Variants in NAA25 observed in about 807,000 individuals in gnomAD.
NAA25 encodes the protein N-alpha-acetyltransferase 25, NatB auxiliary subunit.
A neutral mutation model predicts 132.5 loss-of-function variants in NAA25; 30 were observed. That is an observed-to-expected ratio of 0.23 (90% CI 0.17 to 0.31). The LOEUF (loss-of-function observed/expected upper bound fraction) is 0.31. NAA25 is among the 10% of genes least tolerant of loss of function. The probability of loss-of-function intolerance (pLI) is 1.00; values close to 1 mark genes in which losing one functional copy is unlikely to be tolerated. For synonymous variants in NAA25, 359 were observed against 401.9 expected (o/e 0.89, Z 1.28); for missense variants, 771 against 1,150.4 (o/e 0.67, Z 4.77).
chr12:112,071,978 C>T lies in NAA25; in HGVS notation c.953G>A (p.Arg318His), dbSNP rs771586165. 12 of 1,613,872 alleles carry T rather than the reference C, an allele frequency of 7.4e-6. No homozygotes were observed. Among genetic ancestry groups the T allele is most frequent in the African/African-American group, 5.3e-5 (4 of 74,906 alleles). ...DRITEESKSS[R>H]HLRGPHLAKL... The stretch of plus-strand genomic sequence containing the variant: ...AGCTAGATGTGGTCCTCGGAGATGG[C>T]GAGAACTTTTAGATTCTTCCGTTAT... The change falls in exon 10 of 24, where the codon CGC becomes CAC. Residue 318 changes from arginine (R) to histidine (H), a missense_variant. Physicochemically the swap from Arg to His is conservative, Grantham distance 29 (BLOSUM62 0). This residue lies in a region of NAA25 where 417 missense variants were observed against 733.8 expected (regional missense o/e 0.57). Transcript: ENST00000261745.
At chr12:112,108,003 AC>A (rs2079389194) in intron 1 of NAA25, among the ~76,000 whole-genome samples, 1 of 152,184 alleles carries the variant, frequency 6.6e-6, no homozygotes. Flanking sequence ...AGAGAAAACC[AC>A]AGAGAAGCTG....
chr12:112,048,512 G>T, intron 15 of NAA25, 69 bp from the exon 16 acceptor site: 1 of 1,383,926 alleles, frequency 7.2e-7, no homozygotes, highest in Non-Finnish European at 1.0e-6. Context: ...AACCTTGCCA[G>T]CCAAAACAAA....
chr12:112,052,777 A>C (rs2136836151), intron 15 of NAA25, among the ~76,000 whole-genome samples: 1 of 152,350 alleles, frequency 6.6e-6, no homozygotes, highest in East Asian at 1.9e-4. Context: ...AGACCATGAG[A>C]ATGGAAAGCT....
Position 112,049,194 on chromosome 12 carries a change from C to T in NAA25, c.1729-751G>A, listed in dbSNP as rs905258797. 1.3e-5 allele frequency among the ~76,000 whole-genome samples: 2 copies of T among 152,254 alleles called. No individual in the cohort carries two copies. The highest frequency in any genetic ancestry group is 4.8e-5 in the African/African-American group (2 of 41,548). On this transcript the variant is annotated intron_variant, in intron 15 of 23. Transcript: ENST00000261745. This position sits in a 1 kb window ranked among gnomAD's most constrained non-coding sequence, Gnocchi z 4.7. Reference sequence around the variant, plus strand: ...TATACAGAGATCAAACATTACAGAACAGAGGCAAGATAAAGAATTCTAAGC... The same window carrying T: ...TATACAGAGATCAAACATTACAGAATAGAGGCAAGATAAAGAATTCTAAGC...
chr12:112,072,519 G>A (rs2078827248), intron 9 of NAA25, among the ~76,000 whole-genome samples: 1 of 150,200 alleles, frequency 6.7e-6, no homozygotes, highest in African/African-American at 2.5e-5. Context: ...TGAGGCAGGA[G>A]AATCGCTTGA....
At chr12:112,106,737 T>C (rs2079366453) in intron 1 of NAA25, among the ~76,000 whole-genome samples, 1 of 150,938 alleles carries the variant, frequency 6.6e-6, no homozygotes, top group South Asian at 2.1e-4. Context: ...CAGGACTGCT[T>C]GAGCTCAGGA....
intron 19 of NAA25, among the ~76,000 whole-genome samples, 178 bp downstream of exon 19, chr12:112,042,910 T>G (rs2078322176): frequency 6.6e-6 from 1 of 152,272 alleles, no homozygotes; most frequent in Non-Finnish European, 1.5e-5. Context: ...CTTAAGCTTC[T>G]AAAACATTAC....
At chr12:112,084,927 T>C in intron 4 of NAA25, among the ~76,000 whole-genome samples, 1 of 150,088 alleles carries the variant, frequency 6.7e-6, no homozygotes, top group African/African-American at 2.5e-5. Context: ...TGAAACCCCA[T>C]CTCTATTAAA....
chr12:112,093,890 T>A (rs1267645363), intron 1 of NAA25, among the ~76,000 whole-genome samples: 1 of 148,790 alleles, frequency 6.7e-6, no homozygotes, highest in South Asian at 2.1e-4. Flanking sequence ...TCAAAAAAAC[T>A]TTTTTTTTTA....
chr12:112,073,094 C>T (rs1023300055), intron 9 of NAA25, among the ~76,000 whole-genome samples: 7 of 151,656 alleles, frequency 4.6e-5, no homozygotes, highest in African/African-American at 7.3e-5. Flanking sequence ...ATTAGCCAGG[C>T]GTGGTGGCTC....
At chr12:112,099,419 T>C (rs1171221567) in intron 1 of NAA25, among the ~76,000 whole-genome samples, 1 of 152,094 alleles carries the variant, frequency 6.6e-6, no homozygotes, top group Non-Finnish European at 1.5e-5. Flanking sequence ...TGATACAAGT[T>C]TTCCACTCAT....
chr12:112,048,954 G>T (rs764659704), intron 15 of NAA25, among the ~76,000 whole-genome samples: 2 of 148,020 alleles, frequency 1.4e-5, no homozygotes, highest in Non-Finnish European at 3.0e-5. Context: ...TACTGTATTA[G>T]AAACACAGGG....
At chr12:112,089,176 G>C (rs1043159703) in intron 3 of NAA25, among the ~76,000 whole-genome samples, 5 of 152,114 alleles carry the variant, frequency 3.3e-5, no homozygotes, top group African/African-American at 1.2e-4. Flanking sequence ...TGAGGCAGGC[G>C]GATTGCTTGA....
chr12:112,081,764 A>G (rs1025687453), intron 4 of NAA25, among the ~76,000 whole-genome samples: 1 of 152,224 alleles, frequency 6.6e-6, no homozygotes, highest in African/African-American at 2.4e-5. Flanking sequence ...AAACTCCATC[A>G]GGTAATTTTC....
intron 8 of NAA25, among the ~76,000 whole-genome samples, 162 bp from the exon 9 acceptor site, chr12:112,074,926 A>G (rs2078874107): frequency 6.6e-6 from 1 of 152,152 alleles, no homozygotes; most frequent in Non-Finnish European, 1.5e-5. Flanking sequence ...CTAAAAGGGC[A>G]TTTTCAAAGT....
chr12:112,050,567 G>A (rs1460403177), intron 15 of NAA25, among the ~76,000 whole-genome samples: 4 of 149,354 alleles, frequency 2.7e-5, no homozygotes, highest in Non-Finnish European at 5.9e-5. Flanking sequence ...AGTGACAGCT[G>A]GAGTGCAGTG....
intron 4 of NAA25, among the ~76,000 whole-genome samples, chr12:112,082,199 G>C (rs1483707479): frequency 1.3e-5 from 2 of 152,136 alleles, no homozygotes; most frequent in Non-Finnish European, 2.9e-5. Flanking sequence ...AGTGAGCAGA[G>C]ATCGTGCCAC....
chr12:112,078,150 G>T, intron 7 of NAA25, 38 bp downstream of exon 7: 1 of 1,131,114 alleles, frequency 8.8e-7, no homozygotes, highest in Non-Finnish European at 1.2e-6. Flanking sequence ...GTTTAAATAG[G>T]AAAAAAAAAA....
intron 10 of NAA25, among the ~76,000 whole-genome samples, chr12:112,069,869 T>G (rs1326892899): frequency 2.0e-5 from 3 of 151,676 alleles, no homozygotes. Context: ...GGCTCATGTC[T>G]GTAATCCCAG....
Sources: gnomAD v4.1 joint callset for allele counts (sites outside exome capture counted in the v4.1 genomes callset) on GRCh38, gnomAD v4.1.1 for gene constraint, gnomAD v4.1.1 regional missense constraint, Gnocchi (gnomAD v3.1) non-coding constraint, MANE v1.5 for transcripts, NCBI Gene and HGNC (gene_info 2026-07-23, HGNC 2026-07-21) for gene names.